The following BBX variants were observed in gnomAD, a reference collection of about 807,000 sequenced individuals.
BBX encodes HMG box transcription factor BBX.
Under a neutral mutation model 100.2 loss-of-function variants are expected in BBX, and 30 were observed. The observed-to-expected ratio is 0.30, with a 90% CI of 0.22 to 0.41. The LOEUF (loss-of-function observed/expected upper bound fraction) is 0.41, where lower values mean the gene tolerates loss of function less well. Among genes scored for constraint, BBX ranks in the 10% least tolerant of loss-of-function variants. The pLI is 1.00. For synonymous variants in BBX, 376 were observed against 388.1 expected (o/e 0.97, Z 0.37); for missense variants, 1,023 against 1,129.8 (o/e 0.91, Z 1.35).
At chr3:107,719,056 T>C (rs2062328259) in intron 5 of BBX, among the ~76,000 whole-genome samples, 1 of 152,074 alleles carries the variant, frequency 6.6e-6, no homozygotes, top group South Asian at 2.1e-4. Context: ...CAGCCTTAAC[T>C]GGAATGTTAG....
chr3:107,595,056 G>A (rs1023025959), intron 2 of BBX, among the ~76,000 whole-genome samples: 5 of 152,152 alleles, frequency 3.3e-5, no homozygotes, highest in African/African-American at 4.8e-5. Context: ...CATTCCTTGC[G>A]GCAGAGTCTG....
intron 7 of BBX, among the ~76,000 whole-genome samples, chr3:107,742,746 T>G (rs1171219861): frequency 6.6e-6 from 1 of 152,192 alleles, no homozygotes; most frequent in Admixed American, 6.5e-5. Context: ...TTTGATTGCA[T>G]GCTAAAATTG....
At chr3:107,780,160 A>G (rs1454964876) in intron 13 of BBX, among the ~76,000 whole-genome samples, 1 of 152,136 alleles carries the variant, frequency 6.6e-6, no homozygotes, top group African/African-American at 2.4e-5. Context: ...TAGGAAAAGT[A>G]GTCCATGAGC....
chr3:107,546,834 C>A (rs1229594206), intron 2 of BBX, among the ~76,000 whole-genome samples: 1 of 152,070 alleles, frequency 6.6e-6, no homozygotes, highest in Non-Finnish European at 1.5e-5. Flanking sequence ...GTTCCTTTAT[C>A]CTCTCTACTA....
rs189452335 is a variant in BBX, at chr3:107,532,965, T to C, written c.-84+6567T>C. ...TCACAATCTTTTATCTAAAAAGCTCTGAAAAACTAAAAGTTTTTTTTTTCC... is the reference window on the plus strand; with the variant it reads ...TCACAATCTTTTATCTAAAAAGCTCCGAAAAACTAAAAGTTTTTTTTTTCC... On this transcript the variant is annotated intron_variant, in intron 2 of 17. Coordinates refer to ENST00000325805, the MANE Select transcript of BBX (RefSeq NM_001142568.3). Among the ~76,000 whole-genome samples the C allele has an allele frequency of 8.7e-3, 1,317 of 152,132 alleles. 24 individuals are homozygous for C. Among genetic ancestry groups the C allele is most frequent in the African/African-American group, 0.03 (1,256 of 41,426 alleles).
At chr3:107,697,457 T>G (rs1295745241) in intron 3 of BBX, among the ~76,000 whole-genome samples, 6 of 151,438 alleles carry the variant, frequency 4.0e-5, no homozygotes, top group South Asian at 2.1e-4. Flanking sequence ...GTACCTGGCC[T>G]TGTGAGGTGT....
chr3:107,772,895 A>G lies in BBX; in HGVS notation c.1174A>G (p.Ile392Val). 1 of 1,610,570 alleles carries G rather than the reference A, an allele frequency of 6.2e-7. No homozygotes were observed. Among genetic ancestry groups the G allele is most frequent in the African/African-American group, 1.3e-5 (1 of 74,734 alleles). Residue 392 changes from isoleucine to valine, a missense_variant, in exon 11 of 18, where the codon ATT (isoleucine) becomes GTT (valine). Ile to Val is a conservative substitution (Grantham distance 29). Around this residue, in one of 9 missense-constraint regions of BBX, gnomAD observed 348 missense variants for 353.2 expected, o/e 0.99. Coordinates refer to ENST00000325805, the MANE Select transcript of BBX (RefSeq NM_001142568.3). Reference sequence around the variant, plus strand: ...TATAAAAATGGAAGATCCCAAAGAAATTAGAAAGGAAGAGTTAGAAGAAGA... The same window carrying G: ...TATAAAAATGGAAGATCCCAAAGAAGTTAGAAAGGAAGAGTTAGAAGAAGA... ...MAIKMEDPKEIRKEELEEDHK... is the reference protein window; with the variant it reads ...MAIKMEDPKEVRKEELEEDHK...
intron 3 of BBX, among the ~76,000 whole-genome samples, chr3:107,659,171 C>T (rs2058308539): frequency 1.3e-5 from 2 of 151,784 alleles, no homozygotes; most frequent in South Asian, 4.1e-4. Flanking sequence ...GAGAGGTAGG[C>T]ATATTTTCCC....
intron 2 of BBX, among the ~76,000 whole-genome samples, chr3:107,605,439 A>G (rs1272417509): frequency 6.6e-6 from 1 of 151,824 alleles, no homozygotes; most frequent in Non-Finnish European, 1.5e-5. Flanking sequence ...TAGCCCAGTC[A>G]TGGATTTGTT....
intron 15 of BBX, among the ~76,000 whole-genome samples, chr3:107,791,527 TA>T (rs1226161177): frequency 6.6e-6 from 1 of 152,228 alleles, no homozygotes; most frequent in African/African-American, 2.4e-5. Context: ...GGGCGATTTG[TA>T]ACCTTTGAAT....
At position 107,549,359 on chromosome 3, in the gene BBX, G is replaced by A. The variant is rs1489624376; in HGVS notation, c.-84+22961G>A. On this transcript the variant is annotated intron_variant, in intron 2 of 17. Coordinates refer to ENST00000325805, the MANE Select transcript of BBX (RefSeq NM_001142568.3). The stretch of plus-strand genomic sequence containing the variant: ...GTAAGCTGTATGGTGCATATTAGAT[G>A]GCTATATGTTATAGGAAAAATAAAG... Among the ~76,000 whole-genome samples, 3 of 152,130 alleles carry A rather than the reference G, an allele frequency of 2.0e-5. No individual in the cohort carries two copies. The South Asian group carries it at 6.2e-4, about 32-fold the overall frequency.
At chr3:107,571,929 T>C (rs905225182) in intron 2 of BBX, among the ~76,000 whole-genome samples, 8 of 152,276 alleles carry the variant, frequency 5.3e-5, no homozygotes, top group African/African-American at 1.9e-4. Flanking sequence ...TTAATCCACC[T>C]GTTGGGATTC....
intron 5 of BBX, among the ~76,000 whole-genome samples, chr3:107,724,727 GTAT>G (rs1377907029): frequency 2.6e-5 from 4 of 152,232 alleles, no homozygotes; most frequent in African/African-American, 9.6e-5. Flanking sequence ...TAGATGTGTG[GTAT>G]TATTTCTGAG....
intron 2 of BBX, among the ~76,000 whole-genome samples, chr3:107,638,748 A>G (rs1576118833): frequency 9.1e-6 from 1 of 109,720 alleles, no homozygotes; most frequent in African/African-American, 3.5e-5. Flanking sequence ...TGGAGAAACC[A>G]CTCCTCTACC....
chr3:107,523,537 G>A (rs1278624942), intron 1 of BBX: 2 of 152,686 alleles, frequency 1.3e-5, no homozygotes, highest in Non-Finnish European at 2.9e-5. Flanking sequence ...CGCCTGAGAG[G>A]GGCACGGGCG....
At chr3:107,800,284 TA>T (rs1354800841) in intron 16 of BBX, among the ~76,000 whole-genome samples, 1 of 152,236 alleles carries the variant, frequency 6.6e-6, no homozygotes, top group African/African-American at 2.4e-5. Context: ...TTTCATTTTG[TA>T]GATTGTTACA....
intron 2 of BBX, among the ~76,000 whole-genome samples, chr3:107,597,553 A>C (rs1184424798): frequency 6.6e-6 from 1 of 152,148 alleles, no homozygotes; most frequent in Non-Finnish European, 1.5e-5. Context: ...CATATTTTTC[A>C]TTCTTTTTAA....
At chr3:107,749,255 G>A (rs2107637041) in intron 9 of BBX, among the ~76,000 whole-genome samples, 1 of 152,256 alleles carries the variant, frequency 6.6e-6, no homozygotes, top group South Asian at 2.1e-4. Context: ...CTGTCTAGGG[G>A]AAGTAGATAA....
intron 6 of BBX, among the ~76,000 whole-genome samples, chr3:107,732,522 A>G (rs753319138): frequency 2.6e-5 from 4 of 152,208 alleles, no homozygotes; most frequent in Non-Finnish European, 4.4e-5. Context: ...TAGTTCTCTG[A>G]TAGCCTATTA....
Sources: allele counts gnomAD v4.1 joint callset (sites outside exome capture counted in the v4.1 genomes callset), GRCh38; gene constraint gnomAD v4.1.1; regional missense constraint gnomAD v4.1.1; transcripts MANE v1.5; gene names NCBI Gene and HGNC (gene_info 2026-07-23, HGNC 2026-07-21).